OR51B5: variants seen among roughly 807,000 people sequenced by gnomAD.
OR51B5 encodes olfactory receptor family 51 subfamily B member 5.
For synonymous variants in OR51B5, 186 were observed against 144.8 expected, an observed-to-expected ratio of 1.28 and a Z score of -2.04; for missense variants, 456 against 374.6, an observed-to-expected ratio of 1.22 and a Z score of -1.79.
intron 1 of OR51B5, among the ~76,000 whole-genome samples, chr11:5,470,738 C>T (rs1851216315): frequency 6.6e-6 from 1 of 152,204 alleles, no homozygotes; most frequent in Non-Finnish European, 1.5e-5. Context: ...TCACCCTCTC[C>T]TATTTACAAG....
chr11:5,398,639 T>C (rs1318704777), intron 1 of OR51B5, among the ~76,000 whole-genome samples: 1 of 152,166 alleles, frequency 6.6e-6, no homozygotes, highest in Non-Finnish European at 1.5e-5. Context: ...AATCCCTATA[T>C]GTCGGGGGAG....
At chr11:5,489,601 A>C in intron 1 of OR51B5, 1 of 1,613,988 alleles carries the variant, frequency 6.2e-7, no homozygotes, top group Non-Finnish European at 8.5e-7. Context: ...CTATGGAGCT[A>C]GAACCAAGGA....
chr11:5,466,643 C>CT (rs1442436869), intron 1 of OR51B5, among the ~76,000 whole-genome samples: 1 of 152,206 alleles, frequency 6.6e-6, no homozygotes, highest in East Asian at 1.9e-4. Context: ...GCACATATCT[C>CT]TTTTTTGTCT....
upstream of OR51B5, among the ~76,000 whole-genome samples, chr11:5,348,353 C>A (rs1849026335): frequency 6.6e-6 from 1 of 152,096 alleles, no homozygotes; most frequent in Non-Finnish European, 1.5e-5. Flanking sequence ...TCCATTCTAA[C>A]CCTGAGAGTC....
intron 1 of OR51B5, chr11:5,469,242 T>C (rs61741554): frequency 0.011 from 1,722 of 159,892 alleles, 33 homozygotes; most frequent in African/African-American, 0.038. Context: ...AAGTAGTACA[T>C]TGGCTGGTGC....
At chr11:5,343,795 C>T (rs1382239953), upstream of OR51B5, among the ~76,000 whole-genome samples, 1 of 152,104 alleles carries the variant, frequency 6.6e-6, no homozygotes, top group African/African-American at 2.4e-5. Context: ...GCATTCTCTT[C>T]AGAAAAAAAA....
intron 1 of OR51B5, among the ~76,000 whole-genome samples, chr11:5,415,605 T>G (rs1850230825): frequency 6.6e-6 from 1 of 152,030 alleles, no homozygotes; most frequent in African/African-American, 2.4e-5. Flanking sequence ...TCACCACCGA[T>G]CCCACAGAAA....
chr11:5,384,498 G>A (rs1849655004), intron 1 of OR51B5, among the ~76,000 whole-genome samples: 1 of 152,192 alleles, frequency 6.6e-6, no homozygotes. Flanking sequence ...CTCATCTGCA[G>A]TATTCTGTTA....
intron 1 of OR51B5, among the ~76,000 whole-genome samples, chr11:5,395,023 T>A (rs1849845882): frequency 6.6e-6 from 1 of 152,152 alleles, no homozygotes; most frequent in South Asian, 2.1e-4. Context: ...AGTTGGCAGC[T>A]GGGGAGAGAA....
intron 1 of OR51B5, among the ~76,000 whole-genome samples, chr11:5,419,103 T>A (rs1222968431): frequency 2.0e-5 from 3 of 152,222 alleles, no homozygotes; most frequent in South Asian, 4.1e-4. Context: ...GTCTAAAATA[T>A]TCCCCTTTAT....
chr11:5,501,119 G>A (rs12281971), intron 1 of OR51B5, among the ~76,000 whole-genome samples: 31 of 148,108 alleles, frequency 2.1e-4, no homozygotes, highest in African/African-American at 7.0e-4. Flanking sequence ...GGTGTATGGA[G>A]GGCTGAAAAG....
rs567936429 is a variant in OR51B5, at chr11:5,451,544, G to A, written n.84+54025C>T. Among the ~76,000 whole-genome samples the A allele has an allele frequency of 2.1e-4, 32 of 152,300 alleles. No homozygotes were observed. In the South Asian group the frequency reaches 4.4e-3, roughly 21 times the overall value. The stretch of plus-strand genomic sequence containing the variant: ...AGAAGGGACATATTCAGTACAACAC[G>A]GAGGGACAGCCACTGCCTTGCTGGA... On this transcript the variant is annotated intron_variant and non_coding_transcript_variant, in intron 1 of 4. Transcript: ENST00000415970.
intron 1 of OR51B5, among the ~76,000 whole-genome samples, chr11:5,406,171 T>C (rs766625826): frequency 6.6e-5 from 10 of 152,214 alleles, no homozygotes; most frequent in Non-Finnish European, 1.3e-4. Context: ...TTCTCAGCCT[T>C]CTTAAATATT....
intron 1 of OR51B5, among the ~76,000 whole-genome samples, chr11:5,368,721 A>T (rs1849410646): frequency 6.6e-6 from 1 of 152,206 alleles, no homozygotes; most frequent in African/African-American, 2.4e-5. Context: ...GAGGTTTCTA[A>T]ACATTGAGTT....
At chr11:5,449,541 G>A (rs992690313) in intron 1 of OR51B5, among the ~76,000 whole-genome samples, 15 of 152,130 alleles carry the variant, frequency 9.9e-5, no homozygotes, top group African/African-American at 3.4e-4. Flanking sequence ...CTGGACTTGG[G>A]GTTCTTGTTC....
intron 1 of OR51B5, chr11:5,453,336 G>T (rs1850886033): frequency 1.4e-5 from 7 of 492,846 alleles, no homozygotes; most frequent in African/African-American, 3.9e-5. Flanking sequence ...CATCTCAAAA[G>T]CAGTGATTTC....
chr11:5,363,509 C>T (rs1405481024), intron 1 of OR51B5, among the ~76,000 whole-genome samples: 2 of 152,016 alleles, frequency 1.3e-5, no homozygotes, highest in Non-Finnish European at 2.9e-5. Context: ...CACACATCAC[C>T]ACCACTCAGC....
chr11:5,351,180 G>A (rs2133686906), intron 1 of OR51B5, among the ~76,000 whole-genome samples: 1 of 152,128 alleles, frequency 6.6e-6, no homozygotes, highest in South Asian at 2.1e-4. Context: ...CAAATATAGT[G>A]ATTTCTTCTT....
At chr11:5,351,885 C>T in intron 1 of OR51B5, 1 of 1,613,020 alleles carries the variant, frequency 6.2e-7, no homozygotes, top group Non-Finnish European at 8.5e-7. Context: ...CCATCCGCAG[C>T]CCCTTAAGAT....
Sources: allele counts gnomAD v4.1 joint callset (sites outside exome capture counted in the v4.1 genomes callset), GRCh38; gene constraint gnomAD v4.1.1; transcripts MANE v1.5; gene names NCBI Gene and HGNC (gene_info 2026-07-23, HGNC 2026-07-21).